CEP128: variants seen among roughly 807,000 people sequenced by gnomAD.
The protein encoded by CEP128 is centrosomal protein 128, also known as centrosomal protein 128kDa.
Under a neutral mutation model 156.7 loss-of-function variants are expected in CEP128, and 132 were observed. The ratio of observed to expected loss-of-function variants is 0.84; its 90% confidence interval spans 0.73 to 0.97. The LOEUF (loss-of-function observed/expected upper bound fraction) is 0.97. CEP128 is among the 50% of genes least tolerant of loss of function. The pLI is 0.00. For synonymous variants in CEP128, 469 were observed against 448.9 expected (o/e 1.04, Z -0.57); for missense variants, 1,252 against 1,281.9 (o/e 0.98, Z 0.36).
intron 13 of CEP128, among the ~76,000 whole-genome samples, chr14:80,802,187 G>C (rs1303119467): frequency 2.6e-5 from 4 of 151,966 alleles, no homozygotes; most frequent in African/African-American, 9.7e-5. Context: ...CCACTACTGG[G>C]TATATACTCA....
intron 19 of CEP128, among the ~76,000 whole-genome samples, chr14:80,673,252 T>G (rs1895914172): frequency 6.6e-6 from 1 of 152,216 alleles, no homozygotes; most frequent in Non-Finnish European, 1.5e-5. Flanking sequence ...TTGTTTGCAC[T>G]ATTACAGCAA....
intron 24 of CEP128, among the ~76,000 whole-genome samples, chr14:80,504,190 G>C (rs1887865281): frequency 6.6e-6 from 1 of 152,150 alleles, no homozygotes; most frequent in Non-Finnish European, 1.5e-5. Context: ...TTGAATATTA[G>C]TTGAGTATTT....
intron 19 of CEP128, among the ~76,000 whole-genome samples, chr14:80,716,484 T>C (rs373292675): frequency 3.9e-5 from 6 of 152,328 alleles, no homozygotes; most frequent in African/African-American, 1.2e-4. Context: ...GGACATTTCA[T>C]ATAAACAGAA....
chr14:80,834,043 C>G (rs563917506), intron 12 of CEP128, among the ~76,000 whole-genome samples: 2 of 152,190 alleles, frequency 1.3e-5, no homozygotes, highest in East Asian at 3.9e-4. Flanking sequence ...ATCCAATGAG[C>G]AACTCCATTT....
chr14:80,576,677 A>T (rs1228720141), intron 20 of CEP128, among the ~76,000 whole-genome samples: 3 of 151,340 alleles, frequency 2.0e-5, no homozygotes, highest in African/African-American at 7.3e-5. Context: ...CTGTGTCTAT[A>T]CAGGAATGGC....
chr14:80,683,240 C>T (rs569036275), intron 19 of CEP128, among the ~76,000 whole-genome samples: 2 of 152,260 alleles, frequency 1.3e-5, no homozygotes, highest in South Asian at 4.1e-4. Context: ...CAAGTAACAA[C>T]ACCCCTGAGC....
chr14:80,837,462 T>TA (rs201443716), intron 11 of CEP128, among the ~76,000 whole-genome samples: 9,848 of 152,262 alleles, frequency 0.065, 1,047 homozygotes, highest in African/African-American at 0.22. Flanking sequence ...CTCACACCTA[T>TA]AATCCCAGCA....
At chr14:80,487,217 G>T (rs1341439654), downstream of CEP128, among the ~76,000 whole-genome samples, 1 of 151,894 alleles carries the variant, frequency 6.6e-6, no homozygotes, top group Non-Finnish European at 1.5e-5. Flanking sequence ...AAAGGCAGGG[G>T]TTGCAATCCT....
At chr14:80,831,062 C>T in intron 13 of CEP128, 81 bp downstream of exon 13, 4 of 1,231,246 alleles carry the variant, frequency 3.2e-6, no homozygotes, top group Non-Finnish European at 4.8e-6. Flanking sequence ...AATAACACAT[C>T]TTTATATTAA....
At chr14:80,531,529 CA>C (rs1202209095) in intron 21 of CEP128, among the ~76,000 whole-genome samples, 1 of 152,074 alleles carries the variant, frequency 6.6e-6, no homozygotes, top group African/African-American at 2.4e-5. Flanking sequence ...AAAATTATTT[CA>C]AAGCAAACAT....
Position 80,648,796 on chromosome 14 carries a change from A to G in CEP128, c.2807-68373T>C, listed in dbSNP as rs540900406. On this transcript the variant is annotated intron_variant, in intron 19 of 24. Coordinates refer to ENST00000555265, the MANE Select transcript of CEP128 (RefSeq NM_152446.5). Reference sequence around the variant, plus strand: ...GTGTACCAAACACTAATAAATCAGCATAAAATGGACACTATACTGCTTGCC... The same window carrying G: ...GTGTACCAAACACTAATAAATCAGCGTAAAATGGACACTATACTGCTTGCC... Among the ~76,000 whole-genome samples the G allele has an allele frequency of 5.3e-5, 8 of 152,254 alleles. No individual in the cohort carries two copies. The South Asian group carries it at 1.4e-3, about 28-fold the overall frequency.
chr14:80,751,706 T>G (rs1270638947), intron 18 of CEP128, among the ~76,000 whole-genome samples: 4 of 151,204 alleles, frequency 2.6e-5, no homozygotes, highest in African/African-American at 9.7e-5. Context: ...CTAGGCTCAC[T>G]ACAACCTTTG....
chr14:80,809,277 G>C (rs1884366144), intron 13 of CEP128, among the ~76,000 whole-genome samples: 1 of 151,902 alleles, frequency 6.6e-6, no homozygotes. Context: ...GCTGAAGAGA[G>C]AATCTCAGAA....
At chr14:80,813,047 C>A (rs555828477) in intron 13 of CEP128, among the ~76,000 whole-genome samples, 1 of 151,986 alleles carries the variant, frequency 6.6e-6, no homozygotes, top group Non-Finnish European at 1.5e-5. Context: ...ATGTCCTTTG[C>A]GTATTTTTTA....
At chr14:80,792,491 G>T (rs1343775017) in intron 14 of CEP128, among the ~76,000 whole-genome samples, 1 of 152,150 alleles carries the variant, frequency 6.6e-6, no homozygotes, top group Non-Finnish European at 1.5e-5. Context: ...ATTCAATATA[G>T]GAAACTTACA....
intron 19 of CEP128, among the ~76,000 whole-genome samples, chr14:80,711,729 C>T (rs1019965166): frequency 1.3e-5 from 2 of 151,984 alleles, no homozygotes; most frequent in African/African-American, 4.8e-5. Flanking sequence ...TTATCTATAA[C>T]ACAAAGGATA....
intron 3 of CEP128, among the ~76,000 whole-genome samples, chr14:80,916,035 AG>A (rs1884530247): frequency 6.6e-6 from 1 of 152,210 alleles, no homozygotes. Context: ...AGGAAAAGGG[AG>A]GCAGGAGAAG....
intron 7 of CEP128, among the ~76,000 whole-genome samples, chr14:80,898,060 C>T (rs1889431293): frequency 6.6e-6 from 1 of 152,152 alleles, no homozygotes; most frequent in Non-Finnish European, 1.5e-5. Flanking sequence ...GATTATGGGC[C>T]TGAGCCACTG....
At chr14:80,793,246 A>G (rs1375221653) in intron 13 of CEP128, 136 bp from the exon 14 acceptor site, 5 of 634,672 alleles carry the variant, frequency 7.9e-6, no homozygotes, top group Non-Finnish European at 1.1e-5. Context: ...ATCAATTTAG[A>G]AATCATGAGT....
Sources: allele counts gnomAD v4.1 joint callset (sites outside exome capture counted in the v4.1 genomes callset), GRCh38; gene constraint gnomAD v4.1.1; transcripts MANE v1.5; gene names NCBI Gene and HGNC (gene_info 2026-07-23, HGNC 2026-07-21).